CAMKK1: variants seen among roughly 807,000 people sequenced by gnomAD.
CAMKK1 encodes calcium/calmodulin-dependent protein kinase kinase 1.
CAMKK1 carries 20 observed loss-of-function variants against 63.5 expected under a neutral mutation model. That is an observed-to-expected ratio of 0.32 (90% CI 0.22 to 0.46). CAMKK1 has a LOEUF of 0.46. Among genes scored for constraint, CAMKK1 ranks in the 20% least tolerant of loss-of-function variants. CAMKK1 has a pLI of 1.00. For synonymous variants in CAMKK1, 253 were observed against 269.0 expected (o/e 0.94, Z 0.58); for missense variants, 588 against 658.1 (o/e 0.89, Z 1.17).
At chr17:3,868,502 C>T (rs934015096) in intron 14 of CAMKK1, among the ~76,000 whole-genome samples, 3 of 152,210 alleles carry the variant, frequency 2.0e-5, no homozygotes, top group African/African-American at 7.2e-5. Context: ...GGGGCCACTC[C>T]TCCAATCCAA....
At chr17:3,877,496 G>T (rs1033890976) in intron 9 of CAMKK1, among the ~76,000 whole-genome samples, 1 of 152,116 alleles carries the variant, frequency 6.6e-6, no homozygotes, top group Non-Finnish European at 1.5e-5. Flanking sequence ...ACCCCATCCC[G>T]CGACCATCGA....
chr17:3,890,603 T>C lies in CAMKK1; in HGVS notation c.-44+2336A>G, dbSNP rs181013326. 1.5e-4 allele frequency: 113 copies of C among 778,376 alleles called. No homozygotes were observed. The African/African-American group carries it at 1.6e-3, about 11-fold the overall frequency. 48.2% of individuals were successfully genotyped at this position (778,376 alleles called of 1,614,324 possible). On this transcript the variant is annotated intron_variant, in intron 1 of 15. Transcript: ENST00000348335. This position sits in a 1 kb window ranked among gnomAD's most constrained non-coding sequence, Gnocchi z 6.5. The stretch of plus-strand genomic sequence containing the variant: ...ACGGGTACCACACCCTCCCCATTCT[T>C]TCCTGACCCAGGTCAGCAATCCGGG...
Position 3,885,334 on chromosome 17 carries a change from A to G in CAMKK1, c.354T>C (p.Asp118=). Residue 118 remains aspartate, a synonymous_variant, in exon 2 of 16, where the codon GAT becomes GAC. Coordinates refer to ENST00000348335, the MANE Select transcript of CAMKK1 (RefSeq NM_032294.3). ...CTCGTTCTGCCCCACCAACCTCTGC[A>G]TCTGAGATGGCCACGTGGTGGGACT... ...TIESHHVAIS[D]AEDCVQLNQY... is the part of the protein sequence containing the mutation. 1.3e-6 allele frequency: 2 copies of G among 1,592,926 alleles called. No homozygotes were observed. Among genetic ancestry groups the G allele is most frequent in the Non-Finnish European group, 1.7e-6 (2 of 1,167,024 alleles).
Position 3,884,521 on chromosome 17 carries a change from G to T in CAMKK1, c.361-94C>A. 1.6e-6 allele frequency: 2 copies of T among 1,212,552 alleles called. No homozygotes were observed. The highest frequency in any genetic ancestry group is 1.4e-5 in the South Asian group (1 of 72,228). 75.1% of individuals were successfully genotyped at this position (1,212,552 alleles called of 1,614,324 possible). A position where few individuals can be genotyped will look rare whatever the true frequency, so the allele number is the denominator to read the frequency against. On this transcript the variant is annotated intron_variant, in intron 2 of 15. Transcript: ENST00000348335. This position sits in a 1 kb window ranked among gnomAD's most constrained non-coding sequence, Gnocchi z 4.5. Reference sequence around the variant, plus strand: ...GTTCAGGGTCCAATTCTGGCCATAAGCTCCTCATTCCCGGACCCCCAGGTC... The same window carrying T: ...GTTCAGGGTCCAATTCTGGCCATAATCTCCTCATTCCCGGACCCCCAGGTC...
chr17:3,877,050 C>G lies in CAMKK1; in HGVS notation c.797-628G>C, dbSNP rs143193910. On this transcript the variant is annotated intron_variant, in intron 9 of 15. Transcript: ENST00000348335. ...TGGGATTACAGGCGTGAGCCACCGCCCCCAGCTGGGAGCAGAGTTCTTCCT... is the reference window on the plus strand; with the variant it reads ...TGGGATTACAGGCGTGAGCCACCGCGCCCAGCTGGGAGCAGAGTTCTTCCT... Among the ~76,000 whole-genome samples, 1,082 of 152,212 alleles carry G rather than the reference C, an allele frequency of 7.1e-3. 8 individuals are homozygous for G. The highest frequency in any genetic ancestry group is 0.03 in the East Asian group (156 of 5,178).
chr17:3,861,846 T>G lies in CAMKK1; in HGVS notation c.*365A>C. 1 of 304,576 alleles carries G rather than the reference T, an allele frequency of 3.3e-6. No homozygotes were observed. The highest frequency in any genetic ancestry group is 6.4e-6 in the Non-Finnish European group (1 of 157,306). 18.9% of individuals were successfully genotyped at this position (304,576 alleles called of 1,614,324 possible). A position where few individuals can be genotyped will look rare whatever the true frequency, so the allele number is the denominator to read the frequency against. Reference sequence around the variant, plus strand: ...GAGGTCTCTTCCGTTGTGGTAAGCCTGGCCTCCACCTGCCATCTTGGTCTC... The same window carrying G: ...GAGGTCTCTTCCGTTGTGGTAAGCCGGGCCTCCACCTGCCATCTTGGTCTC... On this transcript the variant is annotated 3_prime_UTR_variant, in exon 16 of 16. Coordinates refer to ENST00000348335, the MANE Select transcript of CAMKK1 (RefSeq NM_032294.3).
chr17:3,864,964 C>T (rs947596563), intron 15 of CAMKK1, among the ~76,000 whole-genome samples: 6 of 152,216 alleles, frequency 3.9e-5, no homozygotes, highest in African/African-American at 1.4e-4. Context: ...GCGCCTGGCA[C>T]TCACCCCTCT....
intron 7 of CAMKK1, 87 bp from the exon 8 acceptor site, chr17:3,881,735 G>A (rs575160291): frequency 7.9e-7 from 1 of 1,270,862 alleles, no homozygotes; most frequent in South Asian, 1.3e-5. Flanking sequence ...GGGTAGGAGA[G>A]GGGGCAGGCA....
In CAMKK1 at chr17:3,869,472, C is replaced by T; in HGVS notation, c.1341+15G>A. ...GCCCTCCAGGACAAGGGAGCATCTA[C>T]CCCGGCTCTCTTACCACCGTGGTCC... is the stretch of plus-strand genomic sequence containing the variant. On this transcript the variant is annotated intron_variant, in intron 14 of 15. Coordinates refer to ENST00000348335, the MANE Select transcript of CAMKK1 (RefSeq NM_032294.3). 3 of 1,614,038 alleles carry T rather than the reference C, an allele frequency of 1.9e-6. No individual in the cohort carries two copies. Among genetic ancestry groups the T allele is most frequent in the Non-Finnish European group, 2.5e-6 (3 of 1,179,936 alleles).
At chr17:3,876,602 G>C (rs1567625137) in intron 9 of CAMKK1, among the ~76,000 whole-genome samples, 180 bp from the exon 10 acceptor site, 1 of 152,230 alleles carries the variant, frequency 6.6e-6, no homozygotes, top group Non-Finnish European at 1.5e-5. Context: ...TGCAGACACT[G>C]AGCCCAGGCT....
intron 9 of CAMKK1, chr17:3,880,074 T>G (rs978070729): frequency 1.1e-5 from 5 of 473,704 alleles, no homozygotes; most frequent in African/African-American, 9.8e-5. Context: ...GGCTAAGAAC[T>G]CAGCAGAAGA....
At position 3,865,993 on chromosome 17, in the gene CAMKK1, G is replaced by A; in HGVS notation, c.1360C>T (p.Leu454=). The A allele has an allele frequency of 6.2e-7, 1 of 1,614,132 alleles. No homozygotes were observed. Among genetic ancestry groups the A allele is most frequent in the Non-Finnish European group, 8.5e-7 (1 of 1,180,014 alleles). ...GGGTTCCCAAAGGAACGCTTCCTCA[G>A]CATGGACTTCACCAGGATCTGAGGA... ...WTTVILVKSM[L]RKRSFGNPFE... is the part of the protein sequence containing the mutation. The change falls in exon 15 of 16, where the codon CTG becomes TTG. Residue 454 remains leucine, a synonymous_variant. Coordinates refer to ENST00000348335, the MANE Select transcript of CAMKK1 (RefSeq NM_032294.3).
In CAMKK1 at chr17:3,877,550, G is replaced by A. The variant is rs533358842; in HGVS notation, c.797-1128C>T. On this transcript the variant is annotated intron_variant, in intron 9 of 15. Transcript: ENST00000348335. ...GGCAAGTACCTTCATCTGGACCAAC[G>A]GACCCCAGGATGCTGGAGAGGAGGG... Among the ~76,000 whole-genome samples the A allele has an allele frequency of 7.9e-5, 12 of 152,232 alleles. No homozygotes were observed. The South Asian group carries it at 1.0e-3, about 13-fold the overall frequency.
chr17:3,888,837 C>T (rs1190085552), intron 1 of CAMKK1, among the ~76,000 whole-genome samples: 1 of 152,152 alleles, frequency 6.6e-6, no homozygotes, highest in East Asian at 1.9e-4. Flanking sequence ...GGGCCTGGCG[C>T]CCCGGCCGCG....
chr17:3,891,843 G>C (rs2055914771), intron 1 of CAMKK1, among the ~76,000 whole-genome samples: 1 of 152,130 alleles, frequency 6.6e-6, no homozygotes, highest in African/African-American at 2.4e-5. Context: ...TTGGTGGACA[G>C]AGCCCAGGAG....
chr17:3,879,990 A>G lies in CAMKK1; in HGVS notation c.796+356T>C. On this transcript the variant is annotated intron_variant, in intron 9 of 15. Coordinates refer to ENST00000348335, the MANE Select transcript of CAMKK1 (RefSeq NM_032294.3). This position sits in a 1 kb window ranked among gnomAD's most constrained non-coding sequence, Gnocchi z 4.5. ...CCATGCCCCGGCCCCATGCCAGGAC[A>G]GACTCTCCCCAGCAGCTGGACATAA... is the stretch of plus-strand genomic sequence containing the variant. 1 of 283,784 alleles carries G rather than the reference A, an allele frequency of 3.5e-6. No individual in the cohort carries two copies. The highest frequency in any genetic ancestry group is 6.8e-6 in the Non-Finnish European group (1 of 146,100). 17.6% of individuals were successfully genotyped at this position (283,784 alleles called of 1,614,324 possible). A position where few individuals can be genotyped will look rare whatever the true frequency, so the allele number is the denominator to read the frequency against.
chr17:3,890,553 C>A lies in CAMKK1; in HGVS notation c.-44+2386G>T. On this transcript the variant is annotated intron_variant, in intron 1 of 15. Transcript: ENST00000348335. This position sits in a 1 kb window ranked among gnomAD's most constrained non-coding sequence, Gnocchi z 6.5. ...ACTCAGCATCTTCCCCAAACCTGCT[C>A]GTCCTCCTCTGTCTCCATTGCGAGA... 2.7e-6 allele frequency: 2 copies of A among 735,204 alleles called. No homozygotes were observed. The highest frequency in any genetic ancestry group is 3.0e-5 in the South Asian group (2 of 67,508). 45.5% of individuals were successfully genotyped at this position (735,204 alleles called of 1,614,324 possible).
rs757077311 is a variant in CAMKK1 at position 3,885,651 on chromosome 17, G to A, written c.37C>T (p.Arg13Trp). The change falls in exon 2 of 16, where the codon CGG (arginine) becomes TGG (tryptophan). Residue 13 changes from arginine (R) to tryptophan (W), a missense_variant. Arg to Trp is a moderately radical substitution (Grantham distance 101). Coordinates refer to ENST00000348335, the MANE Select transcript of CAMKK1 (RefSeq NM_032294.3). ...GCCACCCGTTCTACCAGCTCTGCCCGAGGATCCTGGCAGCAGACAGCTGGA... is the reference window on the plus strand; with the variant it reads ...GCCACCCGTTCTACCAGCTCTGCCCAAGGATCCTGGCAGCAGACAGCTGGA... ...GGPAVCCQDP[R>W]AELVERVAAI... is the part of the protein sequence containing the mutation. 9 of 1,613,560 alleles carry A rather than the reference G, an allele frequency of 5.6e-6. No homozygotes were observed. The highest frequency in any genetic ancestry group is 2.2e-5 in the South Asian group (2 of 91,092).
intron 15 of CAMKK1, among the ~76,000 whole-genome samples, chr17:3,863,884 C>G (rs1268166353): frequency 6.6e-6 from 1 of 152,134 alleles, no homozygotes; most frequent in Non-Finnish European, 1.5e-5. Flanking sequence ...GGGTGCTGGA[C>G]CACAGGCTCT....
Sources: gnomAD v4.1 joint callset for allele counts (sites outside exome capture counted in the v4.1 genomes callset) on GRCh38, gnomAD v4.1.1 for gene constraint, Gnocchi (gnomAD v3.1) non-coding constraint, MANE v1.5 for transcripts, NCBI Gene and HGNC (gene_info 2026-07-23, HGNC 2026-07-21) for gene names.